CPXM2: variants seen among roughly 807,000 people sequenced by gnomAD.
CPXM2 encodes the protein inactive carboxypeptidase-like protein X2.
CPXM2 carries 66 observed loss-of-function variants against 86.1 expected under a neutral mutation model. That is an observed-to-expected ratio of 0.77 (90% CI 0.63 to 0.94). The LOEUF is 0.94. Among genes scored for constraint, CPXM2 ranks in the 40% least tolerant of loss-of-function variants. The probability of loss-of-function intolerance (pLI) is 0.00; values close to 1 mark genes in which losing one functional copy is unlikely to be tolerated. For missense variants in CPXM2, 948 were observed against 1,026.3 expected, an observed-to-expected ratio of 0.92 and a Z score of 1.04; for synonymous variants, 388 against 400.2, an observed-to-expected ratio of 0.97 and a Z score of 0.36.
intron 4 of CPXM2, among the ~76,000 whole-genome samples, chr10:123,814,458 G>A (rs1039450457): frequency 6.6e-6 from 1 of 152,164 alleles, no homozygotes; most frequent in African/African-American, 2.4e-5. Context: ...CCTATTGTGG[G>A]ACACTGTGAT....
rs1590107300 is a variant in CPXM2, at chr10:123,891,713, G to A, written c.-54C>T. ...GTCACGGTCACCGGGGGCGCCGGGC[G>A]GGCTGCGGGCGCAGAAGCTGGCGCG... is the stretch of plus-strand genomic sequence containing the variant. On this transcript the variant is annotated 5_prime_UTR_variant, in exon 1 of 14. Coordinates refer to ENST00000241305, the MANE Select transcript of CPXM2 (RefSeq NM_198148.3). The surrounding 1 kb of genome is among the most constrained non-coding windows in gnomAD (Gnocchi z 5.6). The A allele has an allele frequency of 4.7e-6, 6 of 1,273,212 alleles. No homozygotes were observed. Among genetic ancestry groups the A allele is most frequent in the Non-Finnish European group, 6.0e-6 (6 of 1,000,438 alleles). 78.9% of individuals were successfully genotyped at this position (1,273,212 alleles called of 1,614,324 possible). A position where few individuals can be genotyped will look rare whatever the true frequency, so the allele number is the denominator to read the frequency against.
intron 9 of CPXM2, 109 bp from the exon 10 acceptor site, chr10:123,767,261 C>CCTG: frequency 1.0e-6 from 1 of 955,966 alleles, no homozygotes; most frequent in Non-Finnish European, 1.6e-6. Context: ...GTCTCTAAGC[C>CCTG]TCTAGATGCC....
chr10:123,771,112 A>G, intron 7 of CPXM2, 73 bp from the exon 8 acceptor site: 1 of 1,445,062 alleles, frequency 6.9e-7, no homozygotes, highest in Non-Finnish European at 9.5e-7. Flanking sequence ...TCCCAAGAAA[A>G]CGGACACCTC....
At chr10:123,860,816 T>G (rs1346882977) in intron 3 of CPXM2, among the ~76,000 whole-genome samples, 1 of 152,228 alleles carries the variant, frequency 6.6e-6, no homozygotes, top group Admixed American at 6.5e-5. Flanking sequence ...TTGTTTGCAG[T>G]TGACAGTTGT....
upstream of CPXM2, among the ~76,000 whole-genome samples, chr10:123,894,995 C>G (rs1013860945): frequency 2.9e-4 from 44 of 152,286 alleles, no homozygotes; most frequent in African/African-American, 1.1e-3. Flanking sequence ...GCAGGGCTAA[C>G]CAATCCCAAG....
At chr10:123,880,145 T>TGGGCCCCCCC in intron 2 of CPXM2, 66 bp downstream of exon 2, 2 of 407,580 alleles carry the variant, frequency 4.9e-6, no homozygotes, top group Non-Finnish European at 9.6e-6. Context: ...CAGGGGCCTG[T>TGGGCCCCCCC]ACCCACCCAC....
At chr10:123,925,520 C>A (rs112323044) in intron 2 of CPXM2, among the ~76,000 whole-genome samples, 36 of 152,290 alleles carry the variant, frequency 2.4e-4, no homozygotes, top group African/African-American at 7.9e-4. Flanking sequence ...AATTAAAATG[C>A]ATAAATTTTA....
chr10:123,803,970 T>A (rs1487963079), intron 4 of CPXM2, among the ~76,000 whole-genome samples: 1 of 152,154 alleles, frequency 6.6e-6, no homozygotes, highest in South Asian at 2.1e-4. Flanking sequence ...CCAAGATACA[T>A]GGTTTTCTAT....
chr10:123,839,719 C>T (rs1346376984), intron 4 of CPXM2, among the ~76,000 whole-genome samples: 14 of 152,064 alleles, frequency 9.2e-5, no homozygotes, highest in African/African-American at 1.4e-4. Context: ...TCATTTTTGA[C>T]GTTTTCTGGA....
intron 5 of CPXM2, among the ~76,000 whole-genome samples, chr10:123,798,773 C>A (rs191579753): frequency 1.3e-5 from 2 of 152,302 alleles, no homozygotes; most frequent in Admixed American, 6.5e-5. Flanking sequence ...GCCAAGGTCA[C>A]CAAATGAAGT....
intron 2 of CPXM2, among the ~76,000 whole-genome samples, chr10:123,915,995 C>T (rs568076320): frequency 8.5e-4 from 130 of 152,310 alleles, no homozygotes; most frequent in African/African-American, 3.0e-3. Flanking sequence ...TCTGGGAAAA[C>T]AGTCACCAGC....
chr10:123,811,150 CT>C (rs372146234), intron 4 of CPXM2, among the ~76,000 whole-genome samples: 56,747 of 145,446 alleles, frequency 0.39, 11,531 homozygotes, highest in East Asian at 0.76. Flanking sequence ...TTTCTTTTTT[CT>C]TTTTTTTTTT....
At chr10:123,835,987 G>C (rs138199607) in intron 4 of CPXM2, among the ~76,000 whole-genome samples, 82 of 152,282 alleles carry the variant, frequency 5.4e-4, no homozygotes, top group African/African-American at 1.9e-3. Flanking sequence ...CGACGCCCTG[G>C]ACCAAGGTCC....
At chr10:123,789,697 A>C (rs911542633) in intron 6 of CPXM2, among the ~76,000 whole-genome samples, 1 of 152,210 alleles carries the variant, frequency 6.6e-6, no homozygotes, top group Non-Finnish European at 1.5e-5. Flanking sequence ...CAACGGTGAG[A>C]GCACACCTGA....
intron 4 of CPXM2, among the ~76,000 whole-genome samples, chr10:123,827,616 T>A (rs911053133): frequency 6.6e-6 from 1 of 152,218 alleles, no homozygotes; most frequent in Non-Finnish European, 1.5e-5. Flanking sequence ...TTTGGAAGAT[T>A]CAACATGGTA....
chr10:123,786,604 C>T (rs535755246), intron 6 of CPXM2, among the ~76,000 whole-genome samples: 13 of 152,246 alleles, frequency 8.5e-5, no homozygotes, highest in African/African-American at 2.9e-4. Flanking sequence ...CAAGAGAATC[C>T]CAGAGAAATT....
intron 13 of CPXM2, chr10:123,750,397 T>C (rs1846048531): frequency 1.0e-6 from 1 of 975,770 alleles, no homozygotes; most frequent in Non-Finnish European, 1.2e-6. Context: ...TTTTGTTCCT[T>C]GATTCTTGAC....
chr10:123,935,403 G>A (rs1257687767), intron 2 of CPXM2, among the ~76,000 whole-genome samples: 2 of 152,162 alleles, frequency 1.3e-5, no homozygotes, highest in African/African-American at 4.8e-5. Flanking sequence ...GGGCCACAGA[G>A]ACCACACAAC....
intron 2 of CPXM2, among the ~76,000 whole-genome samples, chr10:123,908,512 T>C (rs1945462918): frequency 6.6e-6 from 1 of 152,070 alleles, no homozygotes; most frequent in Non-Finnish European, 1.5e-5. Flanking sequence ...AAGGACTCAA[T>C]CTGCAGCCTA....
Sources: allele counts gnomAD v4.1 joint callset (sites outside exome capture counted in the v4.1 genomes callset), GRCh38; gene constraint gnomAD v4.1.1; non-coding constraint Gnocchi (gnomAD v3.1); transcripts MANE v1.5; gene names NCBI Gene and HGNC (gene_info 2026-07-23, HGNC 2026-07-21).